SLC43A2: variants seen among roughly 807,000 people sequenced by gnomAD.
SLC43A2 encodes large neutral amino acids transporter small subunit 4.
A neutral mutation model predicts 63.2 loss-of-function variants in SLC43A2; 38 were observed. That is an observed-to-expected ratio of 0.60 (90% confidence interval 0.46 to 0.79). SLC43A2 has a LOEUF of 0.79. Among genes scored for constraint, SLC43A2 ranks in the 30% least tolerant of loss-of-function variants. The probability of loss-of-function intolerance (pLI) is 0.00; values close to 1 mark genes in which losing one functional copy is unlikely to be tolerated. For synonymous variants in SLC43A2, 322 were observed against 331.0 expected, an observed-to-expected ratio of 0.97 and a Z score of 0.30; for missense variants, 644 against 756.2, an observed-to-expected ratio of 0.85 and a Z score of 1.74.
rs2075832508 is a variant in SLC43A2, at chr17:1,570,562, C to T, written c.*5042G>A. 6.7e-6 allele frequency: 1 copy of T among 149,300 alleles called. No individual in the cohort carries two copies. Among genetic ancestry groups the T allele is most frequent in the Admixed American group, 6.7e-5 (1 of 15,014 alleles). The allele number at this position is 149,300 out of a possible 1,614,324, so 9.2% of individuals were successfully genotyped here. On this transcript the variant is annotated 3_prime_UTR_variant, in exon 14 of 14. Coordinates refer to ENST00000301335, the MANE Select transcript of SLC43A2 (RefSeq NM_152346.3). ...AGTGCAGTGGCGGGATCTCGGCTCACTGCAAGCTCCGCCTCCCGGGTTCAC... is the reference window on the plus strand; with the variant it reads ...AGTGCAGTGGCGGGATCTCGGCTCATTGCAAGCTCCGCCTCCCGGGTTCAC...
chr17:1,593,291 G>A lies in SLC43A2; in HGVS notation c.502-12C>T. 6.2e-7 allele frequency: 1 copy of A among 1,612,370 alleles called. No individual in the cohort carries two copies. Among genetic ancestry groups the A allele is most frequent in the Non-Finnish European group, 8.5e-7 (1 of 1,179,214 alleles). On this transcript the variant is annotated splice_polypyrimidine_tract_variant and intron_variant, in intron 5 of 13. Coordinates refer to ENST00000301335, the MANE Select transcript of SLC43A2 (RefSeq NM_152346.3). The surrounding 1 kb of genome is among the most constrained non-coding windows in gnomAD (Gnocchi z 5.3). ...AACATGTTGGGCAGCTGAGAGATAA[G>A]AAGCAGAGAAACCTCAGTGGGGAGG...
chr17:1,604,485 C>T (rs1906393758), intron 5 of SLC43A2: 1 of 539,078 alleles, frequency 1.9e-6, no homozygotes, highest in South Asian at 2.3e-5. Flanking sequence ...CTGACCTGGG[C>T]CGGTTCAGCC....
intron 2 of SLC43A2, among the ~76,000 whole-genome samples, chr17:1,622,798 C>T (rs1055510058): frequency 5.9e-5 from 9 of 151,982 alleles, no homozygotes; most frequent in African/African-American, 2.2e-4. Context: ...CCTGTAATCC[C>T]AGCTATTTGG....
intron 5 of SLC43A2, among the ~76,000 whole-genome samples, chr17:1,608,187 C>T (rs753698321): frequency 1.3e-4 from 19 of 151,946 alleles, no homozygotes; most frequent in African/African-American, 4.1e-4. Flanking sequence ...CTGGCAATGG[C>T]GGTTTGCTGA....
chr17:1,586,988 G>C, intron 9 of SLC43A2: 1 of 1,221,306 alleles, frequency 8.2e-7, no homozygotes, highest in Non-Finnish European at 1.0e-6. Flanking sequence ...AAGTGAAAAA[G>C]CAGAAAGAAG....
rs1179078804 is a variant in SLC43A2 at position 1,572,512 on chromosome 17, G to A, written c.*3092C>T. ...CGTTTTTCAGTTGTAAAGCAGGGAT[G>A]ATCATATGTGTTTAACTCCCAGATT... On this transcript the variant is annotated 3_prime_UTR_variant, in exon 14 of 14. Transcript: ENST00000301335. 1.3e-5 allele frequency: 2 copies of A among 152,232 alleles called. No homozygotes were observed. The highest frequency in any genetic ancestry group is 2.9e-5 in the Non-Finnish European group (2 of 68,060). The allele number at this position is 152,232 out of a possible 1,614,324, so 9.4% of individuals were successfully genotyped here.
intron 5 of SLC43A2, among the ~76,000 whole-genome samples, chr17:1,598,149 G>A (rs1172699103): frequency 1.4e-5 from 2 of 143,682 alleles, no homozygotes; most frequent in African/African-American, 3.0e-5. Context: ...GGGGCCAGGC[G>A]CGGTGGCTCA....
chr17:1,588,196 G>A (rs911270264), intron 9 of SLC43A2, among the ~76,000 whole-genome samples: 24 of 151,178 alleles, frequency 1.6e-4, no homozygotes, highest in African/African-American at 5.6e-4. Flanking sequence ...GTCAGGAGTT[G>A]GAGACATGGT....
At chr17:1,591,504 C>T (rs756392340) in intron 7 of SLC43A2, 33 bp from the exon 8 acceptor site, 9 of 1,611,634 alleles carry the variant, frequency 5.6e-6, no homozygotes, top group Admixed American at 3.3e-5. Flanking sequence ...GTGGGTGCTG[C>T]CCGGGACCCC....
intron 5 of SLC43A2, among the ~76,000 whole-genome samples, chr17:1,611,671 C>G (rs368501715): frequency 1.4e-4 from 22 of 151,822 alleles, no homozygotes; most frequent in African/African-American, 4.8e-4. Context: ...GGTCCAGAAG[C>G]CCCCAGAGCT....
intron 10 of SLC43A2, among the ~76,000 whole-genome samples, chr17:1,584,075 T>A (rs1201899711): frequency 2.6e-5 from 4 of 151,976 alleles, no homozygotes; most frequent in Non-Finnish European, 4.4e-5. Context: ...TTTGCGTTTT[T>A]GTAGAGACAG....
chr17:1,600,152 A>ATATATATATATATATTTTTT (rs1216616243), intron 5 of SLC43A2, among the ~76,000 whole-genome samples: 1 of 60,280 alleles, frequency 1.7e-5, no homozygotes, highest in African/African-American at 5.4e-5. Context: ...ATATATATAT[A>ATATATATATATATATTTTTT]TTTTTTTTTT....
chr17:1,582,076 G>GT (rs951405955), intron 11 of SLC43A2, among the ~76,000 whole-genome samples: 11 of 143,970 alleles, frequency 7.6e-5, no homozygotes, highest in Non-Finnish European at 1.4e-4. Context: ...AAGTGTTTTG[G>GT]TTTTTTTTGG....
At chr17:1,604,761 G>A in intron 5 of SLC43A2, 1 of 1,535,802 alleles carries the variant, frequency 6.5e-7, no homozygotes, top group Non-Finnish European at 8.7e-7. Context: ...GCCTTCGGCT[G>A]ACCTCCCCAT....
Position 1,593,934 on chromosome 17 carries a change from G to A in SLC43A2, c.502-655C>T, listed in dbSNP as rs1398367739. Among the ~76,000 whole-genome samples the A allele has an allele frequency of 6.6e-6, 1 of 152,084 alleles. No individual in the cohort carries two copies. Among genetic ancestry groups the A allele is most frequent in the Non-Finnish European group, 1.5e-5 (1 of 68,002 alleles). ...GGCTCGTTGCAACCTCCGCCTCCCTGGTTCAAGTGATTCTCCTGCCTCAGC... is the reference window on the plus strand; with the variant it reads ...GGCTCGTTGCAACCTCCGCCTCCCTAGTTCAAGTGATTCTCCTGCCTCAGC... On this transcript the variant is annotated intron_variant, in intron 5 of 13. Transcript: ENST00000301335. The surrounding 1 kb of genome is among the most constrained non-coding windows in gnomAD (Gnocchi z 5.3).
intron 11 of SLC43A2, among the ~76,000 whole-genome samples, chr17:1,579,259 G>C (rs1003437879): frequency 6.6e-6 from 1 of 151,014 alleles, no homozygotes; most frequent in African/African-American, 2.4e-5. Flanking sequence ...TCAGGAGTTT[G>C]AGATCAGCCT....
intron 5 of SLC43A2, among the ~76,000 whole-genome samples, chr17:1,607,356 G>A (rs1385090623): frequency 6.6e-6 from 1 of 152,164 alleles, no homozygotes; most frequent in African/African-American, 2.4e-5. Flanking sequence ...GTCCTGGGTT[G>A]TATCAGAATG....
At chr17:1,620,508 CA>C (rs1158717547) in intron 2 of SLC43A2, among the ~76,000 whole-genome samples, 1 of 152,182 alleles carries the variant, frequency 6.6e-6, no homozygotes, top group Non-Finnish European at 1.5e-5. Flanking sequence ...CGACTACACA[CA>C]GGGGCAGGGA....
At chr17:1,598,986 A>T (rs1905610990) in intron 5 of SLC43A2, among the ~76,000 whole-genome samples, 1 of 152,226 alleles carries the variant, frequency 6.6e-6, no homozygotes, top group African/African-American at 2.4e-5. Context: ...GCCTCAGGGG[A>T]ACCACACTAG....
Sources: allele counts gnomAD v4.1 joint callset (sites outside exome capture counted in the v4.1 genomes callset), GRCh38; gene constraint gnomAD v4.1.1; non-coding constraint Gnocchi (gnomAD v3.1); transcripts MANE v1.5; gene names NCBI Gene and HGNC (gene_info 2026-07-23, HGNC 2026-07-21).